GARNL3: variants seen among roughly 807,000 people sequenced by gnomAD.
GARNL3 encodes the protein GTPase activating Rap/RanGAP domain like 3, also known as GTPase-activating Rap/Ran-GAP domain-like protein 3.
A neutral mutation model predicts 125.0 loss-of-function variants in GARNL3; 63 were observed. The ratio of observed to expected loss-of-function variants is 0.50; its 90% CI spans 0.41 to 0.62. The LOEUF (loss-of-function observed/expected upper bound fraction) is 0.62. Among genes scored for constraint, GARNL3 ranks in the 20% least tolerant of loss-of-function variants. The pLI is 0.00. For missense variants in GARNL3, 994 were observed against 1,244.0 expected, an observed-to-expected ratio of 0.80 and a Z score of 3.02; for synonymous variants, 439 against 457.5, an observed-to-expected ratio of 0.96 and a Z score of 0.52.
intron 2 of GARNL3, among the ~76,000 whole-genome samples, chr9:127,245,070 T>C (rs890488223): frequency 6.6e-6 from 1 of 151,676 alleles, no homozygotes; most frequent in African/African-American, 2.4e-5. Context: ...TATCACTAAT[T>C]AGGAAAAGGA....
intron 27 of GARNL3, among the ~76,000 whole-genome samples, chr9:127,391,533 A>AATATATATAT (rs1554741684): frequency 1.1e-3 from 86 of 75,098 alleles, no homozygotes; most frequent in Non-Finnish European, 2.2e-3. Context: ...ACAAAAAAAA[A>AATATATATAT]ATATATATAT....
intron 27 of GARNL3, among the ~76,000 whole-genome samples, chr9:127,391,533 A>AAAAAGAATATATATATATATATATATAT: frequency 1.8e-4 from 14 of 75,848 alleles, no homozygotes; most frequent in African/African-American, 5.5e-4. Flanking sequence ...ACAAAAAAAA[A>AAAAAGAATATATATATATATATATATAT]ATATATATAT....
chr9:127,254,409 A>G (rs1474080613), intron 2 of GARNL3, among the ~76,000 whole-genome samples: 1 of 152,212 alleles, frequency 6.6e-6, no homozygotes, highest in Non-Finnish European at 1.5e-5. Context: ...AACAAAATTT[A>G]AAAAGAAAAA....
upstream of GARNL3, among the ~76,000 whole-genome samples, chr9:127,261,645 T>C (rs2063594314): frequency 6.6e-6 from 1 of 152,048 alleles, no homozygotes; most frequent in Non-Finnish European, 1.5e-5. Context: ...ACTCCCGACC[T>C]CAGGTGATCC....
chr9:127,294,444 C>T (rs948945236), intron 2 of GARNL3, among the ~76,000 whole-genome samples: 1 of 152,146 alleles, frequency 6.6e-6, no homozygotes, highest in South Asian at 2.1e-4. Flanking sequence ...GCTGGGATTA[C>T]AGGTGTGAGC....
chr9:127,265,089 C>G, intron 1 of GARNL3, 68 bp downstream of exon 1: 2 of 1,394,962 alleles, frequency 1.4e-6, no homozygotes, highest in South Asian at 1.4e-5. Context: ...CCAAGCTCAT[C>G]AGATCTTTTG....
At chr9:127,310,773 CAAAAAAAA>C (rs905120960) in intron 2 of GARNL3, among the ~76,000 whole-genome samples, 1 of 74,780 alleles carries the variant, frequency 1.3e-5, no homozygotes, top group African/African-American at 5.0e-5. Flanking sequence ...GACTCTGTCT[CAAAAAAAA>C]AAAAAAAAAA....
chr9:127,290,088 G>A (rs184901833), intron 1 of GARNL3, among the ~76,000 whole-genome samples: 33 of 152,026 alleles, frequency 2.2e-4, no homozygotes, highest in Non-Finnish European at 4.0e-4. Context: ...CAGTTTCCTC[G>A]TTCATAAATG....
At chr9:127,343,327 C>T (rs1490237357) in intron 14 of GARNL3, among the ~76,000 whole-genome samples, 1 of 152,132 alleles carries the variant, frequency 6.6e-6, no homozygotes, top group Non-Finnish European at 1.5e-5. Flanking sequence ...CTCTCAATTC[C>T]GTAAGGTCAG....
At chr9:127,238,180 G>A (rs1294408022) in intron 1 of GARNL3, among the ~76,000 whole-genome samples, 1 of 152,120 alleles carries the variant, frequency 6.6e-6, no homozygotes, top group African/African-American at 2.4e-5. Context: ...GTAGAGACGG[G>A]GTTTCACCAT....
intron 11 of GARNL3, 64 bp downstream of exon 11, chr9:127,336,300 A>G (rs1475623889): frequency 2.6e-6 from 3 of 1,137,416 alleles, no homozygotes; most frequent in African/African-American, 3.1e-5. Flanking sequence ...CTGGACTTCC[A>G]TGACCCTTAA....
chr9:127,238,082 T>G (rs2063143429), intron 1 of GARNL3, among the ~76,000 whole-genome samples: 1 of 152,212 alleles, frequency 6.6e-6, no homozygotes, highest in South Asian at 2.1e-4. Flanking sequence ...GTTCTCCCTA[T>G]GCCAGACGAA....
intron 6 of GARNL3, among the ~76,000 whole-genome samples, chr9:127,323,913 A>G (rs891766774): frequency 6.6e-6 from 1 of 152,202 alleles, no homozygotes; most frequent in Admixed American, 6.5e-5. Context: ...ATAATGTCCC[A>G]ATGTAAAAAA....
intron 2 of GARNL3, among the ~76,000 whole-genome samples, chr9:127,295,774 A>G: frequency 6.6e-6 from 1 of 152,014 alleles, no homozygotes; most frequent in African/African-American, 2.4e-5. Flanking sequence ...TCAGTCCCCA[A>G]CCTTTTTAGC....
Position 127,393,162 on chromosome 9 carries a change from C to G in GARNL3, c.2950C>G (p.Pro984Ala), listed in dbSNP as rs762605693. The change falls in exon 28 of 28, where the codon CCT becomes GCT. Residue 984 changes from proline (P) to alanine (A), a missense_variant. Physicochemically the swap from Pro to Ala is conservative, Grantham distance 27. Coordinates refer to ENST00000373387, the MANE Select transcript of GARNL3 (RefSeq NM_032293.5). ...GCACTCAGCCAGCTCTGACCAGGACCCTGTGGCAGACAGAGAGGGCAGCCC... is the reference window on the plus strand; with the variant it reads ...GCACTCAGCCAGCTCTGACCAGGACGCTGTGGCAGACAGAGAGGGCAGCCC... ...EGHSASSDQDPVADREGSPVS... is the reference protein window; with the variant it reads ...EGHSASSDQDAVADREGSPVS... 6.2e-7 allele frequency: 1 copy of G among 1,613,882 alleles called. No individual in the cohort carries two copies. Among genetic ancestry groups the G allele is most frequent in the Non-Finnish European group, 8.5e-7 (1 of 1,179,728 alleles).
intron 22 of GARNL3, among the ~76,000 whole-genome samples, chr9:127,372,643 T>A (rs1011456674): frequency 6.6e-6 from 1 of 152,204 alleles, no homozygotes; most frequent in African/African-American, 2.4e-5. Context: ...AACAACACAC[T>A]TCTTTTTGCA....
At chr9:127,288,971 C>T (rs1345371223) in intron 1 of GARNL3, among the ~76,000 whole-genome samples, 3 of 152,146 alleles carry the variant, frequency 2.0e-5, no homozygotes, top group African/African-American at 7.2e-5. Flanking sequence ...TCATAGTGCT[C>T]TTTTCTTGCC....
intron 1 of GARNL3, among the ~76,000 whole-genome samples, chr9:127,274,121 G>A (rs2131303565): frequency 6.6e-6 from 1 of 152,212 alleles, no homozygotes; most frequent in African/African-American, 2.4e-5. Context: ...GCCGTTAACA[G>A]CATAATCCTT....
chr9:127,241,748 T>A (rs532943806), intron 1 of GARNL3, among the ~76,000 whole-genome samples: 6 of 140,108 alleles, frequency 4.3e-5, no homozygotes, highest in African/African-American at 1.0e-4. Flanking sequence ...TTTTTGAGGT[T>A]TTTTGTTTGT....
Sources: gnomAD v4.1 joint callset for allele counts (sites outside exome capture counted in the v4.1 genomes callset) on GRCh38, gnomAD v4.1.1 for gene constraint, MANE v1.5 for transcripts, NCBI Gene and HGNC (gene_info 2026-07-23, HGNC 2026-07-21) for gene names.